The following NAV1 variants were observed in gnomAD, a reference collection of about 807,000 sequenced individuals.
NAV1 encodes the protein neuron navigator 1.
In NAV1, 18 loss-of-function variants were observed where a neutral mutation model predicts 175.2. The observed-to-expected ratio is 0.10, with a 90% CI of 0.07 to 0.15. The LOEUF (loss-of-function observed/expected upper bound fraction) is 0.15, where lower values mean the gene tolerates loss of function less well. Ranked by LOEUF, NAV1 falls within the 10% of genes least tolerant of loss-of-function variation. NAV1 has a pLI of 1.00. For synonymous variants in NAV1, 897 were observed against 978.7 expected (o/e 0.92, Z 1.56); for missense variants, 1,731 against 2,436.6 (o/e 0.71, Z 6.10).
At chr1:201,797,727 C>G (rs987881584) in intron 15 of NAV1, 1 of 152,148 alleles carries the variant, frequency 6.6e-6, no homozygotes, top group Non-Finnish European at 1.5e-5. Context: ...TTTTGTTAAA[C>G]TTAGTTTTTA....
chr1:201,707,701 G>A (rs1219564290), intron 1 of NAV1, among the ~76,000 whole-genome samples: 2 of 152,200 alleles, frequency 1.3e-5, no homozygotes, highest in African/African-American at 2.4e-5. Flanking sequence ...TCCTCACAGT[G>A]CACCCTGGGC....
intron 3 of NAV1, among the ~76,000 whole-genome samples, chr1:201,760,430 C>T (rs944157373): frequency 6.6e-6 from 1 of 152,112 alleles, no homozygotes; most frequent in East Asian, 1.9e-4. Flanking sequence ...CATCTTTTAC[C>T]TTATTGATGA....
In NAV1 at chr1:201,812,581, G is replaced by A. The variant is rs1678759845; in HGVS notation, c.5141G>A (p.Arg1714Gln). 2 of 1,614,154 alleles carry A rather than the reference G, an allele frequency of 1.2e-6. No homozygotes were observed. Among genetic ancestry groups the A allele is most frequent in the Non-Finnish European group, 1.7e-6 (2 of 1,180,020 alleles). ...AATGCCAACAAGGAAGAGCTGCTTCGGGTGCTCGACTGGGTACCCAAGCTG... is the reference window on the plus strand; with the variant it reads ...AATGCCAACAAGGAAGAGCTGCTTCAGGTGCTCGACTGGGTACCCAAGCTG... The change falls in exon 27 of 30, where the codon CGG (arginine) becomes CAG (glutamine). Residue 1714 changes from arginine to glutamine, a missense_variant. Arg to Gln is a conservative substitution (Grantham distance 43, BLOSUM62 1). This residue lies in a region of NAV1 where 115 missense variants were observed against 269.4 expected (regional missense o/e 0.43). Coordinates refer to ENST00000367296, the Ensembl canonical transcript of NAV1. This position sits in a 1 kb window ranked among gnomAD's most constrained non-coding sequence, Gnocchi z 4.6.
At chr1:201,774,650 C>T (rs548179113) in intron 3 of NAV1, among the ~76,000 whole-genome samples, 2 of 152,250 alleles carry the variant, frequency 1.3e-5, no homozygotes, top group Admixed American at 6.5e-5. Context: ...TAGATGGTTT[C>T]TTCTGCCTCT....
chr1:201,761,067 T>C (rs1674806775), intron 3 of NAV1, among the ~76,000 whole-genome samples: 1 of 152,226 alleles, frequency 6.6e-6, no homozygotes, highest in African/African-American at 2.4e-5. Flanking sequence ...AGCTTGCTTT[T>C]GCCCTCTATC....
At chr1:201,547,005 A>G (rs1186855222) in intron 1 of NAV1, among the ~76,000 whole-genome samples, 5 of 137,156 alleles carry the variant, frequency 3.6e-5, no homozygotes, top group Non-Finnish European at 7.7e-5. Context: ...TTTTTTTTTG[A>G]GATGGAGTTT....
chr1:201,542,228 C>T lies in NAV1; in HGVS notation c.-144+2886C>T, dbSNP rs564628926. Among the ~76,000 whole-genome samples, 355 of 152,228 alleles carry T rather than the reference C, an allele frequency of 2.3e-3. 2 individuals carry two copies. The highest frequency in any genetic ancestry group is 8.3e-3 in the African/African-American group (343 of 41,544). On this transcript the variant is annotated intron_variant, in intron 1 of 33. Transcript: ENST00000685211. The stretch of plus-strand genomic sequence containing the variant: ...TCACTGGGAATTTTTATCTTCCTAG[C>T]GTTTCCATCTCAGCAGATGTTACTT...
intron 2 of NAV1, among the ~76,000 whole-genome samples, chr1:201,615,367 C>T (rs925707061): frequency 2.0e-5 from 3 of 151,686 alleles, no homozygotes; most frequent in East Asian, 1.9e-4. Context: ...TGGGTTCAGG[C>T]GATTCTCCTG....
chr1:201,746,384 A>G (rs779787838), intron 3 of NAV1, among the ~76,000 whole-genome samples: 8 of 152,222 alleles, frequency 5.3e-5, no homozygotes, highest in Non-Finnish European at 7.3e-5. Flanking sequence ...GATTAGGTTA[A>G]ATCATGTCAC....
At chr1:201,759,981 A>G (rs1674739684) in intron 3 of NAV1, among the ~76,000 whole-genome samples, 2 of 152,212 alleles carry the variant, frequency 1.3e-5, no homozygotes, top group Admixed American at 1.3e-4. Flanking sequence ...GAGAAAACTT[A>G]TCATCTGGTA....
At chr1:201,543,155 G>A (rs902865122) in intron 1 of NAV1, among the ~76,000 whole-genome samples, 3 of 152,136 alleles carry the variant, frequency 2.0e-5, no homozygotes, top group Middle Eastern at 3.2e-3. Context: ...AGAACTTTCA[G>A]TATAATGTTG....
At chr1:201,680,630 C>T (rs1181236731) in intron 1 of NAV1, among the ~76,000 whole-genome samples, 1 of 152,144 alleles carries the variant, frequency 6.6e-6, no homozygotes, top group African/African-American at 2.4e-5. Context: ...AGGGATCTGG[C>T]CCCATGACTC....
rs185700964 is a variant in NAV1, at chr1:201,754,475, G to A, written c.1227-25946G>A. On this transcript the variant is annotated intron_variant, in intron 3 of 29. Transcript: ENST00000367296. ...GGATGAAAAAGTCCTAGTTGAATTA[G>A]CAATGTAGAGATCTTTGGTAACCCT... is the stretch of plus-strand genomic sequence containing the variant. Among the ~76,000 whole-genome samples the A allele has an allele frequency of 2.0e-5, 3 of 152,334 alleles. No individual in the cohort carries two copies. In the East Asian group the frequency reaches 5.8e-4, roughly 29 times the overall value.
At chr1:201,779,625 C>T (rs1340035021) in intron 3 of NAV1, among the ~76,000 whole-genome samples, 1 of 100,216 alleles carries the variant, frequency 1.0e-5, no homozygotes. Flanking sequence ...AAAAAAAGAA[C>T]AGCCAAATGA....
intron 28 of NAV1, among the ~76,000 whole-genome samples, chr1:201,814,477 G>C (rs1678898779): frequency 6.6e-6 from 1 of 152,136 alleles, no homozygotes; most frequent in South Asian, 2.1e-4. Flanking sequence ...ATTAGGGTAT[G>C]ATGATCACTA....
At chr1:201,547,779 C>CA (rs1384915214) in intron 1 of NAV1, among the ~76,000 whole-genome samples, 1 of 152,170 alleles carries the variant, frequency 6.6e-6, no homozygotes, top group Non-Finnish European at 1.5e-5. Flanking sequence ...GTATCCTCTT[C>CA]ACTAGGTCTT....
intron 2 of NAV1, among the ~76,000 whole-genome samples, chr1:201,596,081 A>G (rs1352812843): frequency 1.3e-5 from 2 of 152,242 alleles, no homozygotes; most frequent in African/African-American, 2.4e-5. Context: ...ACCTCACTGC[A>G]TCTCAGTTTT....
At chr1:201,693,450 C>T (rs959562567) in intron 1 of NAV1, among the ~76,000 whole-genome samples, 2 of 152,182 alleles carry the variant, frequency 1.3e-5, no homozygotes, top group Non-Finnish European at 1.5e-5. Flanking sequence ...GTGTGCTGCC[C>T]AGTGCTGCGA....
At chr1:201,739,958 C>A in intron 3 of NAV1, 1 of 1,386,230 alleles carries the variant, frequency 7.2e-7, no homozygotes, top group South Asian at 1.7e-5. Context: ...CCCCGGGTGT[C>A]AGGCGAGAGC....
Sources: gnomAD v4.1 joint callset for allele counts (sites outside exome capture counted in the v4.1 genomes callset) on GRCh38, gnomAD v4.1.1 for gene constraint, gnomAD v4.1.1 regional missense constraint, Gnocchi (gnomAD v3.1) non-coding constraint, MANE v1.5 for transcripts, NCBI Gene and HGNC (gene_info 2026-07-23, HGNC 2026-07-21) for gene names.